RHOT1: variants seen among roughly 807,000 people sequenced by gnomAD.
RHOT1 encodes the protein ras homolog family member T1.
A neutral mutation model predicts 95.3 loss-of-function variants in RHOT1; 27 were observed. That is an observed-to-expected ratio of 0.28 (90% CI 0.21 to 0.39). The LOEUF (loss-of-function observed/expected upper bound fraction) is 0.39. RHOT1 is among the 10% of genes least tolerant of loss of function. The pLI, the probability that RHOT1 is intolerant of heterozygous loss-of-function variation, is 1.00. For missense variants in RHOT1, 578 were observed against 786.7 expected (o/e 0.73, Z 3.17); for synonymous variants, 227 against 263.5 (o/e 0.86, Z 1.34).
chr17:32,151,635 C>T (rs989754126), intron 1 of RHOT1: 3 of 233,574 alleles, frequency 1.3e-5, no homozygotes, highest in Non-Finnish European at 2.6e-5. Context: ...GTAATTCCAG[C>T]ACTTTGGGAG....
At chr17:32,151,393 C>T (rs1294503490) in intron 1 of RHOT1, 1 of 632,208 alleles carries the variant, frequency 1.6e-6, no homozygotes, top group East Asian at 3.7e-5. Context: ...GTTTGGATGA[C>T]AGAGTGAAAC....
At chr17:32,221,660 C>A (rs2038843319) in intron 19 of RHOT1, among the ~76,000 whole-genome samples, 1 of 152,126 alleles carries the variant, frequency 6.6e-6, no homozygotes, top group Non-Finnish European at 1.5e-5. Context: ...TCTTAAACAG[C>A]TACTGTGACA....
At chr17:32,176,781 G>A (rs1338735905) in intron 6 of RHOT1, among the ~76,000 whole-genome samples, 5 of 151,994 alleles carry the variant, frequency 3.3e-5, no homozygotes, top group African/African-American at 1.2e-4. Context: ...ACGTTGGTCA[G>A]TCTGGTCTCG....
At chr17:32,151,526 G>A (rs950036605) in intron 1 of RHOT1, 4 of 554,746 alleles carry the variant, frequency 7.2e-6, no homozygotes, top group Non-Finnish European at 1.3e-5. Context: ...AATCTGTCAT[G>A]AATCCCCTTA....
Position 32,181,754 on chromosome 17 carries a change from C to T in RHOT1, c.330-1003C>T, listed in dbSNP as rs2035652336. Among the ~76,000 whole-genome samples, 3 of 152,176 alleles carry T rather than the reference C, an allele frequency of 2.0e-5. No individual in the cohort carries two copies. In the South Asian group the frequency reaches 6.2e-4, roughly 32 times the overall value. On this transcript the variant is annotated intron_variant, in intron 6 of 19. Transcript: ENST00000545287. ...CACTGCATTTAAAAATGTTAACCCC[C>T]TTCTTAGAATCATTCAATGACTTCC...
At chr17:32,179,393 A>G (rs866771266) in intron 6 of RHOT1, 84 of 109,250 alleles carry the variant, frequency 7.7e-4, no homozygotes, top group East Asian at 1.0e-3. Context: ...AATGGGAAGC[A>G]CCTCTGCCCG....
chr17:32,180,798 A>G, intron 6 of RHOT1, among the ~76,000 whole-genome samples: 1 of 151,622 alleles, frequency 6.6e-6, no homozygotes. Context: ...CTTTACCATG[A>G]CAGCTTCCCA....
intron 6 of RHOT1, among the ~76,000 whole-genome samples, chr17:32,181,120 T>G (rs2035601002): frequency 6.6e-6 from 1 of 152,202 alleles, no homozygotes; most frequent in African/African-American, 2.4e-5. Context: ...TTCAAGTGCT[T>G]CTCTTGCAGT....
intron 16 of RHOT1, among the ~76,000 whole-genome samples, chr17:32,204,207 C>T (rs536084108): frequency 6.6e-6 from 1 of 152,274 alleles, no homozygotes; most frequent in African/African-American, 2.4e-5. Context: ...GCATGTGCCA[C>T]CATGCCAAGC....
intron 8 of RHOT1, 101 bp from the exon 9 acceptor site, chr17:32,192,100 T>C: frequency 1.5e-6 from 1 of 652,794 alleles, no homozygotes. Context: ...TTTTCCATGT[T>C]GGTTGTATTT....
At chr17:32,157,079 C>A (rs2142412743) in intron 1 of RHOT1, among the ~76,000 whole-genome samples, 1 of 152,268 alleles carries the variant, frequency 6.6e-6, no homozygotes, top group East Asian at 1.9e-4. Context: ...TTCTTCTTTT[C>A]TTTTTTGATT....
chr17:32,151,283 A>G, intron 1 of RHOT1: 1 of 671,068 alleles, frequency 1.5e-6, no homozygotes, highest in South Asian at 1.4e-5. Flanking sequence ...CCTTCTCCAT[A>G]TTGCTGTAGT....
At chr17:32,183,348 A>C in intron 8 of RHOT1, 76 bp downstream of exon 8, 1 of 788,426 alleles carries the variant, frequency 1.3e-6, no homozygotes. Context: ...AGTAACTCTT[A>C]AGTATTTGTG....
At chr17:32,194,642 T>A (rs1419082452) in intron 11 of RHOT1, among the ~76,000 whole-genome samples, 2 of 152,194 alleles carry the variant, frequency 1.3e-5, no homozygotes, top group Non-Finnish European at 2.9e-5. Context: ...TTTGTTCATT[T>A]TACTGAGGAA....
intron 11 of RHOT1, 82 bp from the exon 12 acceptor site, chr17:32,198,865 A>C: frequency 1.1e-6 from 1 of 897,700 alleles, no homozygotes. Flanking sequence ...ACCTCACAAA[A>C]GACTTGTTGC....
At chr17:32,208,042 A>G in intron 17 of RHOT1, 65 bp from the exon 18 acceptor site, 2 of 1,423,762 alleles carry the variant, frequency 1.4e-6, no homozygotes, top group South Asian at 1.2e-5. Flanking sequence ...TGCTTGGTTC[A>G]CATTTAATTA....
intron 1 of RHOT1, chr17:32,151,634 G>A (rs955747520): frequency 3.4e-5 from 8 of 235,220 alleles, no homozygotes; most frequent in East Asian, 1.2e-4. Flanking sequence ...TGTAATTCCA[G>A]CACTTTGGGA....
chr17:32,184,494 T>A (rs1329629238), intron 8 of RHOT1, among the ~76,000 whole-genome samples: 1 of 151,816 alleles, frequency 6.6e-6, no homozygotes, highest in East Asian at 1.9e-4. Flanking sequence ...TATTTTTTAT[T>A]TTTTTTTATT....
chr17:32,223,964 G>A (rs961916292), intron 19 of RHOT1, among the ~76,000 whole-genome samples: 12 of 152,054 alleles, frequency 7.9e-5, no homozygotes, highest in African/African-American at 1.4e-4. Context: ...ATCACATTAC[G>A]TTATGTCTGT....
Sources: allele counts gnomAD v4.1 joint callset (sites outside exome capture counted in the v4.1 genomes callset), GRCh38; gene constraint gnomAD v4.1.1; transcripts MANE v1.5; gene names NCBI Gene and HGNC (gene_info 2026-07-23, HGNC 2026-07-21).